The following SMOC2 variants were observed in gnomAD, a reference collection of about 807,000 sequenced individuals.
SMOC2 encodes the protein SPARC related modular calcium binding 2.
Under a neutral mutation model 61.4 loss-of-function variants are expected in SMOC2, and 39 were observed. The observed-to-expected ratio is 0.64, with a 90% CI of 0.49 to 0.83. The LOEUF (loss-of-function observed/expected upper bound fraction) is 0.83. SMOC2 is among the 40% of genes least tolerant of loss of function. The pLI, the probability that SMOC2 is intolerant of heterozygous loss-of-function variation, is 0.00. For synonymous variants in SMOC2, 247 were observed against 239.9 expected (o/e 1.03, Z -0.27); for missense variants, 556 against 592.9 (o/e 0.94, Z 0.65).
chr6:168,444,844 A>G lies in SMOC2; in HGVS notation c.84+3390A>G, dbSNP rs145487086. 3.6e-3 allele frequency among the ~76,000 whole-genome samples: 544 copies of G among 152,308 alleles called. 4 individuals are homozygous for G. Among genetic ancestry groups the G allele is most frequent in the African/African-American group, 0.012 (503 of 41,580 alleles). On this transcript the variant is annotated intron_variant, in intron 1 of 12. Transcript: ENST00000356284. ...TTTTGATGGACTGATCCATAAGCCCATACCTAGGTGATTTCTTTAAAGGCA... is the reference window on the plus strand; with the variant it reads ...TTTTGATGGACTGATCCATAAGCCCGTACCTAGGTGATTTCTTTAAAGGCA...
chr6:168,519,702 C>T (rs906384698), intron 2 of SMOC2, among the ~76,000 whole-genome samples: 1 of 152,158 alleles, frequency 6.6e-6, no homozygotes, highest in South Asian at 2.1e-4. Context: ...GAGCTTCTGC[C>T]CTCTGGAAGG....
intron 1 of SMOC2, among the ~76,000 whole-genome samples, chr6:168,458,042 T>C (rs2115000046): frequency 6.6e-6 from 1 of 152,292 alleles, no homozygotes; most frequent in Middle Eastern, 3.4e-3. Flanking sequence ...AACCTGGGCC[T>C]CTTGCACTTA....
At chr6:168,649,426 A>G (rs1315595789) in intron 9 of SMOC2, among the ~76,000 whole-genome samples, 3 of 152,144 alleles carry the variant, frequency 2.0e-5, no homozygotes, top group Admixed American at 1.3e-4. Context: ...CAGCCTCCCC[A>G]GCAGGGAGTC....
At chr6:168,620,260 G>GTAGTA (rs763397212) in intron 9 of SMOC2, among the ~76,000 whole-genome samples, 1 of 152,080 alleles carries the variant, frequency 6.6e-6, no homozygotes, top group Non-Finnish European at 1.5e-5. Context: ...AGAATACTAA[G>GTAGTA]ACTGCATGGT....
intron 2 of SMOC2, 146 bp downstream of exon 2, chr6:168,510,232 G>T (rs1782974956): frequency 2.8e-6 from 2 of 703,684 alleles, no homozygotes; most frequent in Admixed American, 3.2e-5. Context: ...AGGAAGAAGA[G>T]TAATTTCTAT....
At chr6:168,490,186 TTGTC>T (rs1479869449) in intron 1 of SMOC2, among the ~76,000 whole-genome samples, 6 of 150,424 alleles carry the variant, frequency 4.0e-5, no homozygotes, top group African/African-American at 1.2e-4. Flanking sequence ...ATATATCAAA[TTGTC>T]TGGGTCCCCT....
At chr6:168,497,996 C>T (rs751642168) in intron 1 of SMOC2, among the ~76,000 whole-genome samples, 3 of 152,152 alleles carry the variant, frequency 2.0e-5, no homozygotes, top group Non-Finnish European at 4.4e-5. Context: ...TTTTAACTCA[C>T]GGGACTGCAC....
At chr6:168,662,360 G>T (rs1309101724) in intron 11 of SMOC2, among the ~76,000 whole-genome samples, 1 of 152,206 alleles carries the variant, frequency 6.6e-6, no homozygotes, top group Non-Finnish European at 1.5e-5. Context: ...CAGGGAGGAG[G>T]CCCTGCAAGG....
intron 9 of SMOC2, among the ~76,000 whole-genome samples, chr6:168,626,576 C>T (rs761397536): frequency 6.6e-6 from 1 of 152,224 alleles, no homozygotes; most frequent in Non-Finnish European, 1.5e-5. Context: ...CCTGTGTCTC[C>T]TCTGCATCAC....
At chr6:168,599,102 ACACAGTCACACACACACT>A in intron 8 of SMOC2, 98 bp downstream of exon 8, 1 of 1,039,588 alleles carries the variant, frequency 9.6e-7, no homozygotes, top group Non-Finnish European at 1.4e-6. Flanking sequence ...ACACACCGAC[ACACAGTCACACACACACT>A]CACACTCACA....
At chr6:168,615,935 A>T (rs4342401) in intron 9 of SMOC2, among the ~76,000 whole-genome samples, 74,534 of 150,578 alleles carry the variant, frequency 0.49, 18,794 homozygotes, top group Admixed American at 0.58. Context: ...CATAAAATGA[A>T]CCTTACCTTG....
chr6:168,540,212 A>G (rs1475411623), intron 4 of SMOC2, among the ~76,000 whole-genome samples: 1 of 152,228 alleles, frequency 6.6e-6, no homozygotes, highest in Non-Finnish European at 1.5e-5. Context: ...GGGTGAGCCC[A>G]GGAATGAATG....
At chr6:168,638,761 C>A (rs1359679015) in intron 9 of SMOC2, among the ~76,000 whole-genome samples, 1 of 152,138 alleles carries the variant, frequency 6.6e-6, no homozygotes, top group Non-Finnish European at 1.5e-5. Context: ...AGTGGAGTCT[C>A]CAGCACAGGA....
At chr6:168,666,295 AC>A (rs1787660039) in intron 12 of SMOC2, 125 bp from the exon 13 acceptor site, 4 of 915,070 alleles carry the variant, frequency 4.4e-6, no homozygotes, top group Non-Finnish European at 6.8e-6. Context: ...ACTCATACTT[AC>A]ACCTCACATG....
At chr6:168,495,215 G>A (rs1198603669) in intron 1 of SMOC2, among the ~76,000 whole-genome samples, 2 of 152,176 alleles carry the variant, frequency 1.3e-5, no homozygotes, top group African/African-American at 4.8e-5. Flanking sequence ...TCACAAAGGA[G>A]GGACCTCCGG....
At chr6:168,459,077 G>A (rs1781657632) in intron 1 of SMOC2, among the ~76,000 whole-genome samples, 1 of 152,152 alleles carries the variant, frequency 6.6e-6, no homozygotes, top group South Asian at 2.1e-4. Context: ...CAACACCCTC[G>A]ATGTGGTGGG....
intron 8 of SMOC2, among the ~76,000 whole-genome samples, chr6:168,600,216 G>A (rs775100290): frequency 2.0e-5 from 3 of 152,038 alleles, no homozygotes; most frequent in Non-Finnish European, 4.4e-5. Flanking sequence ...GACCAGCCTG[G>A]ACAATATAGT....
At position 168,546,942 on chromosome 6, in the gene SMOC2, G is replaced by A. The variant is rs922096873; in HGVS notation, c.512-177G>A. 158 of 749,002 alleles carry A rather than the reference G, an allele frequency of 2.1e-4. 3 individuals are homozygous for A. In the South Asian group the frequency reaches 2.4e-3, roughly 11 times the overall value. 46.4% of individuals were successfully genotyped at this position (749,002 alleles called of 1,614,324 possible). On this transcript the variant is annotated intron_variant, in intron 5 of 12. Transcript: ENST00000356284. Reference sequence around the variant, plus strand: ...TTAAGTAGCGGCTCACTCAAGACTGGTATAGTCATTCCAGCCGCAGCTGCA... The same window carrying A: ...TTAAGTAGCGGCTCACTCAAGACTGATATAGTCATTCCAGCCGCAGCTGCA...
chr6:168,442,282 T>C (rs1781229942), intron 1 of SMOC2, among the ~76,000 whole-genome samples: 1 of 152,252 alleles, frequency 6.6e-6, no homozygotes. Context: ...CTGTGTGTTT[T>C]TCTTTCTGAG....
Sources: gnomAD v4.1 joint callset for allele counts (sites outside exome capture counted in the v4.1 genomes callset) on GRCh38, gnomAD v4.1.1 for gene constraint, MANE v1.5 for transcripts, NCBI Gene and HGNC (gene_info 2026-07-23, HGNC 2026-07-21) for gene names.